Variants in ACOT12 observed in about 807,000 individuals in gnomAD.
ACOT12 encodes the protein acetyl-coenzyme A thioesterase.
ACOT12 carries 51 observed loss-of-function variants against 67.7 expected under a neutral mutation model. The observed-to-expected ratio is 0.75, with a 90% confidence interval of 0.60 to 0.95. The LOEUF is 0.95. ACOT12 is among the 40% of genes least tolerant of loss of function. The pLI, the probability that ACOT12 is intolerant of heterozygous loss-of-function variation, is 0.00. For synonymous variants in ACOT12, 251 were observed against 244.6 expected, an observed-to-expected ratio of 1.03 and a Z score of -0.24; for missense variants, 734 against 708.1, an observed-to-expected ratio of 1.04 and a Z score of -0.41.
chr5:81,309,080 C>T, the ACOT12 span: 9 of 1,425,354 alleles, frequency 6.3e-6, no homozygotes, highest in South Asian at 1.3e-5. Flanking sequence ...GGTGAGTCAT[C>T]GTGCAGTTGT....
chr5:81,331,170 A>T (rs1003171288), intron 13 of ACOT12, among the ~76,000 whole-genome samples: 1 of 152,188 alleles, frequency 6.6e-6, no homozygotes, highest in African/African-American at 2.4e-5. Flanking sequence ...AACTCCATGA[A>T]ACTGGAGTCA....
At chr5:81,386,495 C>T (rs1760727662) in intron 1 of ACOT12, among the ~76,000 whole-genome samples, 1 of 152,038 alleles carries the variant, frequency 6.6e-6, no homozygotes, top group African/African-American at 2.4e-5. Context: ...ACGTAATTTG[C>T]TCAGATTTTT....
intron 3 of ACOT12, among the ~76,000 whole-genome samples, chr5:81,367,018 A>G (rs1444371141): frequency 6.6e-6 from 1 of 152,230 alleles, no homozygotes; most frequent in South Asian, 2.1e-4. Context: ...CTTAGAAACT[A>G]TAAATCCATA....
At chr5:81,376,716 C>T (rs561123249) in intron 2 of ACOT12, among the ~76,000 whole-genome samples, 18 of 152,130 alleles carry the variant, frequency 1.2e-4, no homozygotes, top group African/African-American at 3.9e-4. Context: ...AACACCTCTA[C>T]GCAAATAAAC....
the ACOT12 span, among the ~76,000 whole-genome samples, chr5:81,320,096 C>T: frequency 6.6e-6 from 1 of 152,168 alleles, no homozygotes; most frequent in East Asian, 1.9e-4. Flanking sequence ...TTTGTCTTAC[C>T]ACCAAAAATA....
the ACOT12 span, among the ~76,000 whole-genome samples, chr5:81,321,293 G>A: frequency 1.3e-5 from 2 of 152,108 alleles, no homozygotes; most frequent in East Asian, 1.9e-4. Flanking sequence ...ACCAGATAGT[G>A]CCTTCTTGCT....
the ACOT12 span, among the ~76,000 whole-genome samples, chr5:81,314,569 C>T: frequency 0.083 from 12,592 of 152,176 alleles, 598 homozygotes; most frequent in Middle Eastern, 0.19. Context: ...GAACTATAGA[C>T]GTTGGTTATT....
At position 81,330,883 on chromosome 5, in the gene ACOT12, T is replaced by C. The variant is rs763834593; in HGVS notation, c.1449A>G (p.Pro483=). 2.5e-6 allele frequency: 4 copies of C among 1,613,838 alleles called. No homozygotes were observed. The highest frequency in any genetic ancestry group is 3.4e-6 in the Non-Finnish European group (4 of 1,179,842). The change falls in exon 14 of 15, where the codon CCA becomes CCG. Residue 483 remains proline, a synonymous_variant. Coordinates refer to ENST00000307624, the MANE Select transcript of ACOT12 (RefSeq NM_130767.3). ...ATATGATTTCACTTCTGATGTACTGTGGAGACGGGGGGACCGATGGCAAAA... is the reference window on the plus strand; with the variant it reads ...ATATGATTTCACTTCTGATGTACTGCGGAGACGGGGGGACCGATGGCAAAA... ...SVILPSVPPS[P]QYIRSEIICA...
intron 2 of ACOT12, among the ~76,000 whole-genome samples, chr5:81,384,019 C>T (rs1021401191): frequency 6.6e-6 from 1 of 151,592 alleles, no homozygotes; most frequent in African/African-American, 2.4e-5. Flanking sequence ...TGTCTGGGGC[C>T]TTCATATTTG....
chr5:81,351,733 C>T lies in ACOT12; in HGVS notation c.497-3803G>A, dbSNP rs557749175. ...AGCAGTACCCCACAAGCACAGGTAA[C>T]CAAAGCAAAAATCAACAAACGGAAT... On this transcript the variant is annotated intron_variant, in intron 5 of 14. Transcript: ENST00000307624. 3.6e-4 allele frequency among the ~76,000 whole-genome samples: 55 copies of T among 152,182 alleles called. No individual in the cohort carries two copies. In the South Asian group the frequency reaches 0.011, roughly 31 times the overall value.
intron 2 of ACOT12, among the ~76,000 whole-genome samples, chr5:81,383,459 A>C (rs1760644128): frequency 6.6e-6 from 1 of 152,216 alleles, no homozygotes; most frequent in Admixed American, 6.5e-5. Context: ...AGAACACATT[A>C]ATCAAGGCTA....
At chr5:81,346,780 T>A (rs941419985) in intron 6 of ACOT12, among the ~76,000 whole-genome samples, 2 of 151,842 alleles carry the variant, frequency 1.3e-5, no homozygotes, top group Non-Finnish European at 2.9e-5. Flanking sequence ...ACTACTGGTT[T>A]GTAACTATAG....
chr5:81,325,629 T>G (rs938182790), downstream of ACOT12, among the ~76,000 whole-genome samples: 1 of 152,180 alleles, frequency 6.6e-6, no homozygotes, highest in Non-Finnish European at 1.5e-5. Flanking sequence ...CTATTTTCAG[T>G]ATCTCCAAAA....
intron 11 of ACOT12, among the ~76,000 whole-genome samples, chr5:81,339,926 T>C (rs1759135481): frequency 2.6e-5 from 4 of 152,190 alleles, no homozygotes; most frequent in African/African-American, 9.7e-5. Flanking sequence ...AGTCATTTTA[T>C]GTTGCCCAGG....
intron 3 of ACOT12, among the ~76,000 whole-genome samples, chr5:81,366,882 C>T (rs57278631): frequency 1.8e-4 from 28 of 152,040 alleles, no homozygotes; most frequent in South Asian, 4.1e-4. Flanking sequence ...AGAAGAAAAA[C>T]GAACAGTATC....
intron 3 of ACOT12, among the ~76,000 whole-genome samples, chr5:81,368,960 G>T (rs141460295): frequency 6.8e-4 from 103 of 152,126 alleles, no homozygotes; most frequent in African/African-American, 2.5e-3. Context: ...TCACAAGCTG[G>T]GGTCTGAGAG....
chr5:81,356,730 C>T (rs779301758), intron 5 of ACOT12, among the ~76,000 whole-genome samples: 1 of 151,976 alleles, frequency 6.6e-6, no homozygotes, highest in Non-Finnish European at 1.5e-5. Context: ...TCTTCCTCGC[C>T]CTTCTCCCCA....
At chr5:81,330,701 A>G (rs796253316) in intron 14 of ACOT12, 113 bp downstream of exon 14, 1 of 1,527,144 alleles carries the variant, frequency 6.5e-7, no homozygotes, top group African/African-American at 1.4e-5. Flanking sequence ...TAGGATTCCC[A>G]TAGTGTGGAC....
chr5:81,308,923 A>G, the ACOT12 span: 1 of 1,599,638 alleles, frequency 6.3e-7, no homozygotes, highest in South Asian at 1.1e-5. Context: ...TGTCAACTGA[A>G]TAGGAACTGT....
Sources: allele counts gnomAD v4.1 joint callset (sites outside exome capture counted in the v4.1 genomes callset), GRCh38; gene constraint gnomAD v4.1.1; transcripts MANE v1.5; gene names NCBI Gene and HGNC (gene_info 2026-07-23, HGNC 2026-07-21).